NEK10: variants seen among roughly 807,000 people sequenced by gnomAD.
NEK10 encodes the protein serine/threonine-protein kinase Nek10.
NEK10 carries 122 observed loss-of-function variants against 159.8 expected under a neutral mutation model. That is an observed-to-expected ratio of 0.76 (90% CI 0.66 to 0.89). NEK10 has a LOEUF of 0.89. NEK10 is among the 40% of genes least tolerant of loss of function. The probability of loss-of-function intolerance (pLI) is 0.00; values close to 1 mark genes in which losing one functional copy is unlikely to be tolerated. For missense variants in NEK10, 1,342 were observed against 1,323.1 expected, an observed-to-expected ratio of 1.01 and a Z score of -0.22; for synonymous variants, 466 against 457.1, an observed-to-expected ratio of 1.02 and a Z score of -0.25.
intron 1 of NEK10, among the ~76,000 whole-genome samples, chr3:27,364,726 A>C (rs2048937243): frequency 6.6e-6 from 1 of 152,228 alleles, no homozygotes; most frequent in Admixed American, 6.5e-5. Context: ...CTCTGAGGTG[A>C]TTAGTATTAT....
At position 27,291,272 on chromosome 3, in the gene NEK10, C is replaced by A. The variant is rs547879901; in HGVS notation, c.1595G>T (p.Cys532Phe). The A allele has an allele frequency of 1.2e-6, 2 of 1,612,606 alleles. No homozygotes were observed. Among genetic ancestry groups the A allele is most frequent in the Admixed American group, 1.7e-5 (1 of 59,712 alleles). ...CAAGGGGAAAGTCACCTTGTAAACACAGCCAAAAGCTCCACTTCCAAGATG... is the reference window on the plus strand; with the variant it reads ...CAAGGGGAAAGTCACCTTGTAAACAAAGCCAAAAGCTCCACTTCCAAGATG... ...LDHLGSGAFG[C>F]VYKVRKHSGQ... Residue 532 changes from cysteine to phenylalanine, a missense_variant, in exon 18 of 36, where the codon TGT becomes TTT. Physicochemically the swap from Cys to Phe is radical, Grantham distance 205. Coordinates refer to ENST00000691995, the MANE Select transcript of NEK10 (RefSeq NM_001394966.1).
At chr3:27,220,191 T>C (rs770053219) in intron 23 of NEK10, among the ~76,000 whole-genome samples, 2 of 152,246 alleles carry the variant, frequency 1.3e-5, no homozygotes, top group Non-Finnish European at 2.9e-5. Flanking sequence ...TTCAGTGGTT[T>C]AGAACACACA....
chr3:27,330,539 G>C (rs116622801), intron 5 of NEK10, among the ~76,000 whole-genome samples: 1,604 of 152,276 alleles, frequency 0.011, 10 homozygotes, highest in Middle Eastern at 0.037. Flanking sequence ...TAATATAGCT[G>C]TTTCTAAGGG....
chr3:27,218,736 TAA>T (rs1178048499), intron 23 of NEK10, among the ~76,000 whole-genome samples: 10 of 93,162 alleles, frequency 1.1e-4, no homozygotes, highest in African/African-American at 1.7e-4. Flanking sequence ...GAATGAAGTC[TAA>T]AAAAAAAAAA....
intron 23 of NEK10, among the ~76,000 whole-genome samples, chr3:27,212,659 C>A (rs1201028721): frequency 1.3e-5 from 2 of 152,210 alleles, no homozygotes; most frequent in African/African-American, 4.8e-5. Flanking sequence ...GTGATTTATT[C>A]TTCTATGTTA....
intron 1 of NEK10, among the ~76,000 whole-genome samples, chr3:27,355,380 G>A (rs1282400212): frequency 6.6e-6 from 1 of 152,056 alleles, no homozygotes; most frequent in Non-Finnish European, 1.5e-5. Flanking sequence ...CTATATGGAT[G>A]CCTAATGAGC....
chr3:27,127,334 T>C (rs1401738959), intron 32 of NEK10, among the ~76,000 whole-genome samples: 2 of 152,164 alleles, frequency 1.3e-5, no homozygotes, highest in Admixed American at 1.3e-4. Context: ...AATACTGTCA[T>C]GCACTGCTTA....
chr3:27,192,986 C>T (rs1949245045), intron 25 of NEK10, among the ~76,000 whole-genome samples: 1 of 152,120 alleles, frequency 6.6e-6, no homozygotes, highest in Non-Finnish European at 1.5e-5. Flanking sequence ...AGATCCTGGG[C>T]AAGTTACATA....
intron 30 of NEK10, among the ~76,000 whole-genome samples, chr3:27,152,367 C>A (rs1399812950): frequency 6.6e-6 from 1 of 152,110 alleles, no homozygotes; most frequent in East Asian, 1.9e-4. Context: ...CAATTATCAG[C>A]CAAGAACTTT....
At chr3:27,253,908 ACCTCAAGCAATGGC>A (rs1955911367) in intron 23 of NEK10, among the ~76,000 whole-genome samples, 1 of 152,258 alleles carries the variant, frequency 6.6e-6, no homozygotes. Flanking sequence ...ATGGCATCAT[ACCTCAAGCAATGGC>A]CCTCCAGCTC....
chr3:27,355,074 G>T (rs1284554186), intron 1 of NEK10, among the ~76,000 whole-genome samples: 1 of 152,212 alleles, frequency 6.6e-6, no homozygotes, highest in African/African-American at 2.4e-5. Context: ...ACGACTCCAT[G>T]TGGAAGAGCT....
intron 29 of NEK10, among the ~76,000 whole-genome samples, chr3:27,166,334 T>C (rs1946470405): frequency 6.6e-6 from 1 of 152,156 alleles, no homozygotes; most frequent in African/African-American, 2.4e-5. Flanking sequence ...ACCAGGAAAG[T>C]ATAGAACTAT....
chr3:27,121,173 G>GA (rs1451990170), intron 32 of NEK10, among the ~76,000 whole-genome samples: 1 of 151,790 alleles, frequency 6.6e-6, no homozygotes, highest in East Asian at 1.9e-4. Context: ...CTAAAATCTA[G>GA]AAAAACCCCA....
intron 26 of NEK10, among the ~76,000 whole-genome samples, chr3:27,181,620 A>G (rs1553660934): frequency 6.6e-6 from 1 of 152,210 alleles, no homozygotes; most frequent in Non-Finnish European, 1.5e-5. Context: ...CTTCACTGAC[A>G]TCCCTATTTA....
intron 23 of NEK10, among the ~76,000 whole-genome samples, chr3:27,204,205 A>G (rs555445878): frequency 1.7e-3 from 217 of 128,302 alleles, no homozygotes; most frequent in African/African-American, 6.4e-3. Context: ...GTGTGCTTTC[A>G]CTCCCCACAG....
intron 23 of NEK10, among the ~76,000 whole-genome samples, chr3:27,224,643 C>G (rs374355968): frequency 2.6e-5 from 4 of 151,984 alleles, no homozygotes; most frequent in Admixed American, 6.6e-5. Flanking sequence ...ATTTGCTGTC[C>G]TTCCTTCCCT....
At chr3:27,259,446 GT>G (rs2040199903) in intron 22 of NEK10, among the ~76,000 whole-genome samples, 1 of 152,174 alleles carries the variant, frequency 6.6e-6, no homozygotes, top group Non-Finnish European at 1.5e-5. Flanking sequence ...TGGCTAGCGA[GT>G]TTTCCCAGCA....
chr3:27,285,541 C>A (rs138436600), intron 20 of NEK10, among the ~76,000 whole-genome samples: 2,412 of 148,358 alleles, frequency 0.016, 43 homozygotes, highest in East Asian at 0.06. Flanking sequence ...AACAAACAAA[C>A]AAACAAAAAA....
At chr3:27,296,219 C>A (rs890299465) in intron 14 of NEK10, among the ~76,000 whole-genome samples, 1 of 152,038 alleles carries the variant, frequency 6.6e-6, no homozygotes, top group Non-Finnish European at 1.5e-5. Flanking sequence ...ATGTACTGAT[C>A]TTTACTGTGT....
Sources: allele counts gnomAD v4.1 joint callset (sites outside exome capture counted in the v4.1 genomes callset), GRCh38; gene constraint gnomAD v4.1.1; transcripts MANE v1.5; gene names NCBI Gene and HGNC (gene_info 2026-07-23, HGNC 2026-07-21).